MYH9: variants seen among roughly 807,000 people sequenced by gnomAD.
MYH9 encodes the protein myosin-9.
Under a neutral mutation model 241.9 loss-of-function variants are expected in MYH9, and 29 were observed. That is an observed-to-expected ratio of 0.12 (90% CI 0.09 to 0.16). MYH9 has a LOEUF of 0.16. Among genes scored for constraint, MYH9 ranks in the 10% least tolerant of loss-of-function variants. The probability of loss-of-function intolerance (pLI) is 1.00; values close to 1 mark genes in which losing one functional copy is unlikely to be tolerated. For synonymous variants in MYH9, 1,047 were observed against 1,062.6 expected, an observed-to-expected ratio of 0.99 and a Z score of 0.29; for missense variants, 1,803 against 2,595.5, an observed-to-expected ratio of 0.69 and a Z score of 6.63.
At chr22:36,379,006 CA>C (rs1670927478) in intron 1 of MYH9, among the ~76,000 whole-genome samples, 1 of 152,068 alleles carries the variant, frequency 6.6e-6, no homozygotes, top group Non-Finnish European at 1.5e-5. Context: ...TAATTATTCC[CA>C]ACATCTCTTC....
At chr22:36,348,881 G>A (rs770095637) in intron 2 of MYH9, 23 bp downstream of exon 2, 39 of 1,566,118 alleles carry the variant, frequency 2.5e-5, no homozygotes, top group East Asian at 5.5e-5. Context: ...CCCAGCCTGC[G>A]GGGTGCCACG....
At chr22:36,307,879 ACT>A (rs1258541967) in intron 15 of MYH9, among the ~76,000 whole-genome samples, 2 of 147,242 alleles carry the variant, frequency 1.4e-5, no homozygotes, top group Non-Finnish European at 3.0e-5. Flanking sequence ...CAAGAACAAA[ACT>A]CTGTCTCAAA....
chr22:36,387,070 G>T (rs1044875519), intron 1 of MYH9, among the ~76,000 whole-genome samples: 2 of 152,212 alleles, frequency 1.3e-5, no homozygotes, highest in Admixed American at 6.5e-5. Context: ...ATCAGAAGTC[G>T]GAGGTCGAGG....
intron 1 of MYH9, among the ~76,000 whole-genome samples, chr22:36,375,088 C>A (rs1319911946): frequency 1.3e-5 from 2 of 152,188 alleles, no homozygotes; most frequent in Non-Finnish European, 2.9e-5. Context: ...TAGCACCCAG[C>A]CAGTGCCTTA....
intron 24 of MYH9, 24 bp downstream of exon 24, chr22:36,298,894 CA>C (rs2016830712): frequency 6.2e-7 from 1 of 1,612,694 alleles, no homozygotes; most frequent in Non-Finnish European, 8.5e-7. Flanking sequence ...CCCTGCCCAT[CA>C]CCTCCTGCTC....
Position 36,305,337 on chromosome 22 carries a change from G to A in MYH9, c.2160-235C>T, listed in dbSNP as rs755839479. ...AGTGAATGGAAACTCGTGTAGGACC[G>A]TTTCAATCACTCAAGGGCGTGCTTC... On this transcript the variant is annotated intron_variant, in intron 17 of 40. Coordinates refer to ENST00000216181, the MANE Select transcript of MYH9 (RefSeq NM_002473.6). The surrounding 1 kb of genome is among the most constrained non-coding windows in gnomAD (Gnocchi z 4.7). Among the ~76,000 whole-genome samples the A allele has an allele frequency of 8.3e-4, 126 of 152,154 alleles. No homozygotes were observed. The highest frequency in any genetic ancestry group is 9.4e-4 in the Non-Finnish European group (64 of 68,014).
At chr22:36,343,775 G>A (rs1210281872) in intron 2 of MYH9, among the ~76,000 whole-genome samples, 1 of 152,180 alleles carries the variant, frequency 6.6e-6, no homozygotes, top group South Asian at 2.1e-4. Flanking sequence ...AGAGACACGG[G>A]AGCCTGTTCT....
chr22:36,381,676 C>A (rs962199035), intron 1 of MYH9, among the ~76,000 whole-genome samples: 1 of 152,118 alleles, frequency 6.6e-6, no homozygotes, highest in Admixed American at 6.6e-5. Flanking sequence ...AAACGAAGCA[C>A]CATTTACACT....
rs1161154004 is a variant in MYH9, at chr22:36,284,529, T to C, written c.5484-18A>G. The C allele has an allele frequency of 1.5e-5, 24 of 1,610,084 alleles. No individual in the cohort carries two copies. Among genetic ancestry groups the C allele is most frequent in the Non-Finnish European group, 2.0e-5 (24 of 1,179,542 alleles). On this transcript the variant is annotated intron_variant, in intron 38 of 40. Coordinates refer to ENST00000216181, the MANE Select transcript of MYH9 (RefSeq NM_002473.6). ...GGCGCTCCCTGCATGACAGACAAGG[T>C]GGCTCAGAGGGAACACCCTCCTTCA...
chr22:36,321,759 A>C lies in MYH9; in HGVS notation c.768T>G (p.Thr256=). 6.2e-7 allele frequency: 1 copy of C among 1,613,984 alleles called. No homozygotes were observed. Among genetic ancestry groups the C allele is most frequent in the East Asian group, 2.2e-5 (1 of 44,890 alleles). The change falls in exon 7 of 41, where the codon ACT becomes ACG. Residue 256 remains threonine (T), a splice_region_variant and synonymous_variant. Coordinates refer to ENST00000216181, the MANE Select transcript of MYH9 (RefSeq NM_002473.6). ...TATCCCAACGAACCACAAGGATACA[A>C]GTCTCAATGTTGGCTCCAACAATGT... ...NGYIVGANIE[T]YLLEKSRAIR...
At chr22:36,387,592 C>T (rs2018375674) in intron 1 of MYH9, among the ~76,000 whole-genome samples, 1 of 151,564 alleles carries the variant, frequency 6.6e-6, no homozygotes, top group Non-Finnish European at 1.5e-5. Context: ...GGCCTCGCTG[C>T]TGCCGGCGCC....
Position 36,314,334 on chromosome 22 carries a change from A to G in MYH9, c.1381-16T>C. ...ACGAGTTCAGCTGCAAGGAGAGAAAACAATGTCAGAGAGACGCCAACCCTG... is the reference window on the plus strand; with the variant it reads ...ACGAGTTCAGCTGCAAGGAGAGAAAGCAATGTCAGAGAGACGCCAACCCTG... On this transcript the variant is annotated splice_polypyrimidine_tract_variant and intron_variant, in intron 12 of 40. Transcript: ENST00000216181. The G allele has an allele frequency of 6.2e-7, 1 of 1,613,814 alleles. No individual in the cohort carries two copies. Among genetic ancestry groups the G allele is most frequent in the Non-Finnish European group, 8.5e-7 (1 of 1,180,018 alleles).
intron 13 of MYH9, among the ~76,000 whole-genome samples, chr22:36,313,595 G>A (rs989768061): frequency 4.6e-5 from 7 of 152,072 alleles, no homozygotes; most frequent in African/African-American, 1.7e-4. Context: ...TGAACTCATT[G>A]GAAAGGGTTC....
rs761134975 is a variant in MYH9, at chr22:36,294,200, C to T, written c.3729G>A (p.Ser1243=). 8.1e-6 allele frequency: 13 copies of T among 1,613,944 alleles called. No individual in the cohort carries two copies. Among genetic ancestry groups the T allele is most frequent in the African/African-American group, 2.7e-5 (2 of 74,932 alleles). Residue 1243 remains serine, a synonymous_variant, in exon 28 of 41, where the codon TCG becomes TCA. Transcript: ENST00000216181. Reference sequence around the variant, plus strand: ...CCTCCACTTTCTTGCGCTTGTGCTCCGAGTCCCCTTTGCCCTGCAGCAGCA... The same window carrying T: ...CCTCCACTTTCTTGCGCTTGTGCTCTGAGTCCCCTTTGCCCTGCAGCAGCA... The part of the protein sequence containing the change: ...VKVLLQGKGD[S]EHKRKKVEAQ...
rs561419820 is a variant in MYH9, at chr22:36,303,600, A to G, written c.2390+395T>C. Among the ~76,000 whole-genome samples, 390 of 151,850 alleles carry G rather than the reference A, an allele frequency of 2.6e-3. 1 individual carries two copies. The highest frequency in any genetic ancestry group is 9.1e-3 in the African/African-American group (377 of 41,412). On this transcript the variant is annotated intron_variant, in intron 19 of 40. Transcript: ENST00000216181. ...GAGTTCGAGACCAGCCTGGGCAACAATGACGAAACCCCGTCTCTACTAAAA... is the reference window on the plus strand; with the variant it reads ...GAGTTCGAGACCAGCCTGGGCAACAGTGACGAAACCCCGTCTCTACTAAAA...
At position 36,306,451 on chromosome 22, in the gene MYH9, T is replaced by G. The variant is rs575821361; in HGVS notation, c.2000A>C (p.Asn667Thr). The change falls in exon 16 of 41, where the codon AAC becomes ACC. Residue 667 changes from asparagine (N) to threonine (T), a missense_variant. Coordinates refer to ENST00000216181, the MANE Select transcript of MYH9 (RefSeq NM_002473.6). The surrounding 1 kb of genome is among the most constrained non-coding windows in gnomAD (Gnocchi z 4.1). The stretch of plus-strand genomic sequence containing the variant: ...GTTGGGGATGATGCAGCGGACAAAG[T>G]TGGGGTTCGTGTTCCTCAGCGTAGC... Reference protein sequence around the residue: ...LMATLRNTNPNFVRCIIPNHE... With the variant: ...LMATLRNTNPTFVRCIIPNHE... 1.1e-5 allele frequency: 17 copies of G among 1,613,668 alleles called. No homozygotes were observed. The highest frequency in any genetic ancestry group is 2.7e-5 in the African/African-American group (2 of 74,890).
At chr22:36,291,959 C>G (rs1220188071) in intron 31 of MYH9, 27 bp downstream of exon 31, 6 of 1,613,850 alleles carry the variant, frequency 3.7e-6, no homozygotes, top group Non-Finnish European at 5.1e-6. Flanking sequence ...AGAGGAAATG[C>G]AAAGGATGGG....
chr22:36,329,190 AC>A lies in MYH9; in HGVS notation c.491-1703del, dbSNP rs1238036253. On this transcript the variant is annotated intron_variant, in intron 3 of 40. Transcript: ENST00000216181. This position sits in a 1 kb window ranked among gnomAD's most constrained non-coding sequence, Gnocchi z 4.1. Reference sequence around the variant, plus strand: ...CTGGGTCACTCTCATTCACAAACACACCCCACACCCTGCTCTCTGATGTGGA... The same window carrying A: ...CTGGGTCACTCTCATTCACAAACACACCCACACCCTGCTCTCTGATGTGGA... Among the ~76,000 whole-genome samples the A allele has an allele frequency of 1.3e-5, 2 of 151,418 alleles. No homozygotes were observed. The highest frequency in any genetic ancestry group is 2.9e-5 in the Non-Finnish European group (2 of 67,902).
chr22:36,316,404 A>AGAT (rs2017153173), intron 12 of MYH9, 113 bp downstream of exon 12: 2 of 1,495,442 alleles, frequency 1.3e-6, no homozygotes, highest in Non-Finnish European at 1.9e-6. Context: ...CATGCAAAGG[A>AGAT]GATGGCCAAC....
Sources: allele counts gnomAD v4.1 joint callset (sites outside exome capture counted in the v4.1 genomes callset), GRCh38; gene constraint gnomAD v4.1.1; non-coding constraint Gnocchi (gnomAD v3.1); transcripts MANE v1.5; gene names NCBI Gene and HGNC (gene_info 2026-07-23, HGNC 2026-07-21).